Variants in NRG4 observed in about 807,000 individuals in gnomAD.
NRG4 encodes pro-neuregulin-4, membrane-bound isoform.
A neutral mutation model predicts 15.0 loss-of-function variants in NRG4; 10 were observed. The ratio of observed to expected loss-of-function variants is 0.67; its 90% CI spans 0.41 to 1.13. NRG4 has a LOEUF of 1.13. Ranked by LOEUF, NRG4 falls within the 50% of genes most tolerant of loss-of-function variation. NRG4 has a pLI of 0.00. For synonymous variants in NRG4, 41 were observed against 50.1 expected (o/e 0.82, Z 0.77); for missense variants, 139 against 140.2 (o/e 0.99, Z 0.04).
intron 5 of NRG4, among the ~76,000 whole-genome samples, chr15:75,949,338 G>C (rs901257077): frequency 1.3e-5 from 2 of 150,974 alleles, no homozygotes; most frequent in Non-Finnish European, 1.5e-5. Context: ...TTGAACCTAG[G>C]AGGCAGAGGT....
chr15:76,048,287 T>C (rs1193847143), intron 4 of NRG4, among the ~76,000 whole-genome samples: 1 of 149,836 alleles, frequency 6.7e-6, no homozygotes, highest in Non-Finnish European at 1.5e-5. Context: ...GCGTGGCCAA[T>C]GTGGTAAAAC....
chr15:76,052,514 A>G (rs1230275774), intron 3 of NRG4, among the ~76,000 whole-genome samples: 1 of 151,124 alleles, frequency 6.6e-6, no homozygotes, highest in Non-Finnish European at 1.5e-5. Context: ...TGTAAGGACA[A>G]GGAATTACAT....
At chr15:75,988,594 C>T (rs1195457663) in intron 3 of NRG4, among the ~76,000 whole-genome samples, 5 of 152,204 alleles carry the variant, frequency 3.3e-5, no homozygotes, top group Non-Finnish European at 7.3e-5. Flanking sequence ...GATAGATACA[C>T]ATAGGTCTTT....
rs893196367 is a variant in NRG4, at chr15:75,940,954, T to C, written c.*2684A>G. ...GAAAAAATAGGCAAATTATACTTCA[T>C]TAAAATTTTGTGCATCAAAGAACAC... On this transcript the variant is annotated 3_prime_UTR_variant, in exon 6 of 6. Coordinates refer to ENST00000394907, the MANE Select transcript of NRG4 (RefSeq NM_138573.4). The C allele has an allele frequency of 1.3e-5, 2 of 152,112 alleles. No individual in the cohort carries two copies. The highest frequency in any genetic ancestry group is 1.3e-4 in the Admixed American group (2 of 15,278). 9.4% of individuals were successfully genotyped at this position (152,112 alleles called of 1,614,324 possible).
intron 3 of NRG4, 49 bp from the exon 4 acceptor site, chr15:75,962,023 C>A: frequency 7.1e-7 from 1 of 1,411,714 alleles, no homozygotes; most frequent in Non-Finnish European, 9.7e-7. Context: ...GTTTCATTAG[C>A]TAGTTTGGAA....
At chr15:76,032,556 A>G (rs1204960407) in intron 5 of NRG4, among the ~76,000 whole-genome samples, 3 of 152,234 alleles carry the variant, frequency 2.0e-5, no homozygotes, top group African/African-American at 7.2e-5. Context: ...AACAAACATA[A>G]AATCTTAAAA....
intron 5 of NRG4, among the ~76,000 whole-genome samples, chr15:76,030,480 T>C (rs549172432): frequency 1.4e-3 from 215 of 152,246 alleles, no homozygotes; most frequent in Non-Finnish European, 2.2e-3. Flanking sequence ...AGGACTCTCA[T>C]TGGGGAAAGG....
chr15:76,012,345 G>A lies in NRG4; in HGVS notation c.-83C>T, dbSNP rs1242768617. The stretch of plus-strand genomic sequence containing the variant: ...TTCACACAAAAAATAAATTTTGTTG[G>A]ACATGCAGTGTTTCAAAAGTTTTTG... On this transcript the variant is annotated 5_prime_UTR_variant, in exon 1 of 6. Coordinates refer to ENST00000394907, the MANE Select transcript of NRG4 (RefSeq NM_138573.4). The A allele has an allele frequency of 1.3e-5, 2 of 152,100 alleles. No individual in the cohort carries two copies. The highest frequency in any genetic ancestry group is 4.8e-5 in the African/African-American group (2 of 41,400). 9.4% of individuals were successfully genotyped at this position (152,100 alleles called of 1,614,324 possible). A position where few individuals can be genotyped will look rare whatever the true frequency, so the allele number is the denominator to read the frequency against.
chr15:76,005,549 C>T (rs904940115), intron 3 of NRG4, among the ~76,000 whole-genome samples: 1 of 151,296 alleles, frequency 6.6e-6, no homozygotes, highest in African/African-American at 2.4e-5. Flanking sequence ...AGCTGGGTGT[C>T]GTGGCACACA....
chr15:76,000,291 C>T (rs1479907744), intron 3 of NRG4, among the ~76,000 whole-genome samples: 2 of 152,018 alleles, frequency 1.3e-5, no homozygotes, highest in Non-Finnish European at 2.9e-5. Context: ...AACTAAATCC[C>T]ATAAGCTAGG....
At chr15:76,030,798 G>A (rs898601830) in intron 5 of NRG4, among the ~76,000 whole-genome samples, 2 of 152,132 alleles carry the variant, frequency 1.3e-5, no homozygotes, top group Non-Finnish European at 2.9e-5. Context: ...CTTCACTGGT[G>A]AATTCCACCA....
intron 4 of NRG4, among the ~76,000 whole-genome samples, chr15:76,048,703 T>C (rs1257861146): frequency 2.0e-5 from 3 of 150,580 alleles, no homozygotes; most frequent in African/African-American, 7.5e-5. Context: ...TGGGTCTTTC[T>C]AAAGACTTCC....
chr15:75,989,004 C>A (rs1348607883), intron 3 of NRG4, among the ~76,000 whole-genome samples: 3 of 151,912 alleles, frequency 2.0e-5, no homozygotes, highest in Admixed American at 1.3e-4. Context: ...ACTACAGGCA[C>A]AGCCATCATG....
intron 1 of NRG4, among the ~76,000 whole-genome samples, chr15:76,058,276 A>G (rs1344292253): frequency 6.6e-6 from 1 of 152,146 alleles, no homozygotes; most frequent in Non-Finnish European, 1.5e-5. Context: ...TTCCGTCTAG[A>G]AATGTAGAAA....
intron 3 of NRG4, among the ~76,000 whole-genome samples, chr15:76,000,275 A>G (rs964256777): frequency 1.3e-5 from 2 of 152,240 alleles, no homozygotes; most frequent in Admixed American, 1.3e-4. Context: ...AAACAACTGC[A>G]TGGAAAACTA....
Position 75,943,731 on chromosome 15 carries a change from CTT to C in NRG4, c.332-79_332-78del, listed in dbSNP as rs1176094774. 3 of 909,236 alleles carry C rather than the reference CTT, an allele frequency of 3.3e-6. No individual in the cohort carries two copies. The African/African-American group carries it at 5.0e-5, about 15-fold the overall frequency. The allele number at this position is 909,236 out of a possible 1,614,324, so 56.3% of individuals were successfully genotyped here. Reference sequence around the variant, plus strand: ...ACTACGCACACCTATCTACATGTCTCTTATCTTCTTCACATATATAAGCCAAC... The same window carrying C: ...ACTACGCACACCTATCTACATGTCTCATCTTCTTCACATATATAAGCCAAC... On this transcript the variant is annotated intron_variant, in intron 5 of 5. Transcript: ENST00000394907.
chr15:75,994,934 G>A (rs1465207608), intron 3 of NRG4, among the ~76,000 whole-genome samples: 2 of 152,174 alleles, frequency 1.3e-5, no homozygotes, highest in African/African-American at 4.8e-5. Flanking sequence ...AGAACTTTGG[G>A]AGGCCAAGGG....
intron 3 of NRG4, among the ~76,000 whole-genome samples, chr15:75,994,893 G>A (rs2034152989): frequency 6.6e-6 from 1 of 152,170 alleles, no homozygotes; most frequent in Non-Finnish European, 1.5e-5. Flanking sequence ...GAAAAGAGAG[G>A]CTGGGCATGG....
rs539450046 is a variant in NRG4 at position 76,009,410 on chromosome 15, A to T, written c.11-117T>A. On this transcript the variant is annotated intron_variant, in intron 2 of 5. Coordinates refer to ENST00000394907, the MANE Select transcript of NRG4 (RefSeq NM_138573.4). ...GCAATTCTGAAAATCAGAATGAAGAATTTTTTTTCTCAAAATGAAAGATTT... is the reference window on the plus strand; with the variant it reads ...GCAATTCTGAAAATCAGAATGAAGATTTTTTTTTCTCAAAATGAAAGATTT... 7.5e-6 allele frequency: 4 copies of T among 534,514 alleles called. No individual in the cohort carries two copies. The South Asian group carries it at 1.2e-4, about 16-fold the overall frequency. 33.1% of individuals were successfully genotyped at this position (534,514 alleles called of 1,614,324 possible).
Sources: allele counts gnomAD v4.1 joint callset (sites outside exome capture counted in the v4.1 genomes callset), GRCh38; gene constraint gnomAD v4.1.1; transcripts MANE v1.5; gene names NCBI Gene and HGNC (gene_info 2026-07-23, HGNC 2026-07-21).